Variants in TGM2 observed in about 807,000 individuals in gnomAD.
TGM2 encodes the protein protein-glutamine gamma-glutamyltransferase 2.
Under a neutral mutation model 75.6 loss-of-function variants are expected in TGM2, and 53 were observed. The observed-to-expected ratio is 0.70, with a 90% CI of 0.56 to 0.88. The LOEUF (loss-of-function observed/expected upper bound fraction) is 0.88, where lower values mean the gene tolerates loss of function less well. TGM2 is among the 40% of genes least tolerant of loss of function. TGM2 has a pLI of 0.00. For missense variants in TGM2, 842 were observed against 928.5 expected (o/e 0.91, Z 1.21); for synonymous variants, 374 against 381.1 (o/e 0.98, Z 0.22).
At position 38,130,199 on chromosome 20, in the gene TGM2, A is replaced by G. The variant is rs371672809; in HGVS notation, c.*20T>C. Reference sequence around the variant, plus strand: ...TGGGATCAAGGTGGGGGCTCTCAGCAGGCTGGGAGCAGGGGTCCCTTAGGC... The same window carrying G: ...TGGGATCAAGGTGGGGGCTCTCAGCGGGCTGGGAGCAGGGGTCCCTTAGGC... On this transcript the variant is annotated 3_prime_UTR_variant, in exon 13 of 13. Coordinates refer to ENST00000361475, the MANE Select transcript of TGM2 (RefSeq NM_004613.4). 2.5e-4 allele frequency: 396 copies of G among 1,612,898 alleles called. No individual in the cohort carries two copies. Among genetic ancestry groups the G allele is most frequent in the Middle Eastern group, 6.6e-4 (4 of 6,076 alleles).
At chr20:38,164,795 G>A (rs1430183973) in intron 1 of TGM2, among the ~76,000 whole-genome samples, 1 of 152,152 alleles carries the variant, frequency 6.6e-6, no homozygotes, top group Non-Finnish European at 1.5e-5. Flanking sequence ...GGCGTGGCAT[G>A]CACACCACCT....
chr20:38,153,528 A>AAAAAAAAAAAAAAAAAAAAAAAG (rs56670550), intron 3 of TGM2, among the ~76,000 whole-genome samples: 5 of 125,264 alleles, frequency 4.0e-5, no homozygotes, highest in African/African-American at 1.0e-4. Flanking sequence ...TGGTCTCAAA[A>AAAAAAAAAAAAAAAAAAAAAAAG]AAAAGAAAAA....
intron 6 of TGM2, chr20:38,145,407 A>T (rs1305154085): frequency 6.6e-6 from 1 of 152,144 alleles, no homozygotes; most frequent in Non-Finnish European, 1.5e-5. Context: ...CACTTCCCAC[A>T]TTCATTTATT....
chr20:38,132,208 T>G, intron 11 of TGM2, 132 bp downstream of exon 11: 1 of 999,086 alleles, frequency 1.0e-6, no homozygotes, highest in Non-Finnish European at 1.5e-6. Context: ...GAGGCTAGGA[T>G]TTGAGGATCG....
chr20:38,147,873 C>A, intron 5 of TGM2, 88 bp downstream of exon 5: 1 of 1,542,730 alleles, frequency 6.5e-7, no homozygotes, highest in Non-Finnish European at 8.8e-7. Context: ...TCCCCCACCG[C>A]GCCTAGCCTG....
Position 38,138,227 on chromosome 20 carries a change from C to T in TGM2, c.1501G>A (p.Glu501Lys). Residue 501 changes from glutamate to lysine, a missense_variant, in exon 10 of 13, where the codon GAG becomes AAG. Coordinates refer to ENST00000361475, the MANE Select transcript of TGM2 (RefSeq NM_004613.4). ...AGCAGGAGGCGGCAGACGTACTCCT[C>T]AGCGGTGTTGTTGGTGATGTGGGCA... ...VFAHITNNTA[E>K]EYVCRLLLCA... is the part of the protein sequence containing the mutation. 6.2e-7 allele frequency: 1 copy of T among 1,612,598 alleles called. No individual in the cohort carries two copies. The highest frequency in any genetic ancestry group is 1.3e-5 in the African/African-American group (1 of 75,014).
intron 3 of TGM2, among the ~76,000 whole-genome samples, chr20:38,151,684 C>T (rs192300546): frequency 1.1e-3 from 164 of 152,248 alleles, no homozygotes; most frequent in Middle Eastern, 3.4e-3. Flanking sequence ...GAGGTGGGGT[C>T]CTGTCCAGCT....
In TGM2 at chr20:38,161,404, G is replaced by A; in HGVS notation, c.190+16C>T. The A allele has an allele frequency of 5.0e-6, 8 of 1,613,442 alleles. No homozygotes were observed. Among genetic ancestry groups the A allele is most frequent in the Non-Finnish European group, 5.9e-6 (7 of 1,179,676 alleles). The stretch of plus-strand genomic sequence containing the variant: ...GGTGGTGGTGGTGGTGGTGGAGTGG[G>A]GTTGCAGGTACTCACCGGTCACGAC... On this transcript the variant is annotated intron_variant, in intron 2 of 12. Coordinates refer to ENST00000361475, the MANE Select transcript of TGM2 (RefSeq NM_004613.4).
Position 38,130,025 on chromosome 20 carries a change from AG to A in TGM2, c.*193del, listed in dbSNP as rs1747485465. The A allele has an allele frequency of 2.9e-6, 2 of 685,448 alleles. No individual in the cohort carries two copies. Among genetic ancestry groups the A allele is most frequent in the Non-Finnish European group, 4.9e-6 (2 of 410,580 alleles). 42.5% of individuals were successfully genotyped at this position (685,448 alleles called of 1,614,324 possible). On this transcript the variant is annotated 3_prime_UTR_variant, in exon 13 of 13. Transcript: ENST00000361475. The stretch of plus-strand genomic sequence containing the variant: ...TGGCACAGAGCATTCCTCACAGCAA[AG>A]GGGGTGAGTGGGGACCCACAGGCTC...
chr20:38,166,025 G>A (rs554289433), upstream of TGM2, among the ~76,000 whole-genome samples: 10 of 58,586 alleles, frequency 1.7e-4, 1 homozygote, highest in South Asian at 6.1e-3. Context: ...AGATGTGGAC[G>A]CAAAATCAGA....
intron 3 of TGM2, among the ~76,000 whole-genome samples, chr20:38,151,789 C>T (rs1248806880): frequency 6.6e-6 from 1 of 152,162 alleles, no homozygotes; most frequent in Non-Finnish European, 1.5e-5. Context: ...TGGAGGGTAG[C>T]ATTCTAAGCA....
chr20:38,143,731 A>G (rs2075008038), intron 6 of TGM2, among the ~76,000 whole-genome samples: 1 of 152,232 alleles, frequency 6.6e-6, no homozygotes, highest in Non-Finnish European at 1.5e-5. Flanking sequence ...AAAAATATCT[A>G]AAAAATGAAG....
chr20:38,168,183 G>A (rs757053336), upstream of TGM2, among the ~76,000 whole-genome samples: 6 of 152,192 alleles, frequency 3.9e-5, no homozygotes, highest in Non-Finnish European at 7.3e-5. Context: ...GACGCATGGC[G>A]TTGAGCAACC....
intron 10 of TGM2, chr20:38,133,677 C>G (rs959198139): frequency 6.6e-6 from 1 of 152,304 alleles, no homozygotes; most frequent in Admixed American, 6.5e-5. Flanking sequence ...AATCCCAGCA[C>G]TTTGGGAGGC....
At chr20:38,154,827 C>G (rs1363073537) in intron 3 of TGM2, among the ~76,000 whole-genome samples, 1 of 152,146 alleles carries the variant, frequency 6.6e-6, no homozygotes, top group Non-Finnish European at 1.5e-5. Flanking sequence ...CCACCTCAGC[C>G]GGGCACGGTG....
chr20:38,168,450 T>C (rs2075326187), upstream of TGM2, among the ~76,000 whole-genome samples: 1 of 152,194 alleles, frequency 6.6e-6, no homozygotes. Context: ...CCCCAGACAC[T>C]GCAATCAGGG....
At chr20:38,141,859 C>T (rs551618999) in intron 7 of TGM2, among the ~76,000 whole-genome samples, 2 of 152,134 alleles carry the variant, frequency 1.3e-5, no homozygotes, top group East Asian at 1.9e-4. Context: ...TCCAGACTCC[C>T]GACAACATTT....
chr20:38,165,779 A>G (rs2075305284), upstream of TGM2, among the ~76,000 whole-genome samples: 1 of 152,022 alleles, frequency 6.6e-6, no homozygotes, highest in Admixed American at 6.5e-5. Context: ...CTGTGGAGAT[A>G]CACACACAAA....
intron 3 of TGM2, among the ~76,000 whole-genome samples, 182 bp from the exon 4 acceptor site, chr20:38,151,239 G>T (rs1046671871): frequency 6.6e-6 from 1 of 152,182 alleles, no homozygotes; most frequent in East Asian, 1.9e-4. Flanking sequence ...AGGTGTTATC[G>T]GTTAGTGACA....
Sources: gnomAD v4.1 joint callset for allele counts (sites outside exome capture counted in the v4.1 genomes callset) on GRCh38, gnomAD v4.1.1 for gene constraint, MANE v1.5 for transcripts, NCBI Gene and HGNC (gene_info 2026-07-23, HGNC 2026-07-21) for gene names.